Variants in MMRN1 observed in about 807,000 individuals in gnomAD.
The protein encoded by MMRN1 is multimerin 1, also known as multimerin-1.
In MMRN1, 94 loss-of-function variants were observed where a neutral mutation model predicts 100.7. That is an observed-to-expected ratio of 0.93 (90% CI 0.79 to 1.11). The LOEUF (loss-of-function observed/expected upper bound fraction) is 1.11, where lower values mean the gene tolerates loss of function less well. MMRN1 is among the 50% of genes least tolerant of loss of function. The pLI is 0.00. For missense variants in MMRN1, 1,606 were observed against 1,439.1 expected, an observed-to-expected ratio of 1.12 and a Z score of -1.88; for synonymous variants, 575 against 505.0, an observed-to-expected ratio of 1.14 and a Z score of -1.86.
chr4:89,895,349 T>C lies in MMRN1; in HGVS notation c.378T>C (p.Asn126=). ...TLPTNASIKF[N]PGAESVVLSN... is the part of the protein sequence containing the mutation. ...CAACCAACGCTAGCATCAAGTTCAA[T>C]CCTGGAGCAGAATCAGTGGTCCTTT... is the stretch of plus-strand genomic sequence containing the variant. The change falls in exon 1 of 8, where the codon AAT becomes AAC. Residue 126 remains asparagine (N), a synonymous_variant. Transcript: ENST00000264790. 6.2e-7 allele frequency: 1 copy of C among 1,613,900 alleles called. No individual in the cohort carries two copies. Among genetic ancestry groups the C allele is most frequent in the Non-Finnish European group, 8.5e-7 (1 of 1,179,930 alleles).
At chr4:89,881,189 G>A (rs905232092) in intron 1 of MMRN1, among the ~76,000 whole-genome samples, 1 of 152,120 alleles carries the variant, frequency 6.6e-6, no homozygotes, top group African/African-American at 2.4e-5. Context: ...TTAACTGCCA[G>A]TGGAGGCAAC....
chr4:89,891,737 A>G (rs1310274120), upstream of MMRN1, among the ~76,000 whole-genome samples: 2 of 151,968 alleles, frequency 1.3e-5, no homozygotes, highest in East Asian at 3.9e-4. Context: ...TTCTTCTATT[A>G]TTTTTTGACA....
chr4:89,896,098 G>C (rs1382046937), intron 1 of MMRN1, among the ~76,000 whole-genome samples: 1 of 152,168 alleles, frequency 6.6e-6, no homozygotes, highest in African/African-American at 2.4e-5. Context: ...CCATGATTTT[G>C]AGCAACTCAG....
intron 6 of MMRN1, among the ~76,000 whole-genome samples, chr4:89,949,352 G>T (rs2110656282): frequency 6.6e-6 from 1 of 152,260 alleles, no homozygotes; most frequent in Non-Finnish European, 1.5e-5. Context: ...CAACTCTACT[G>T]CACAATTGAT....
intron 3 of MMRN1, among the ~76,000 whole-genome samples, chr4:89,916,041 G>A (rs1018912724): frequency 6.6e-6 from 1 of 151,630 alleles, no homozygotes; most frequent in Non-Finnish European, 1.5e-5. Context: ...ATCAATCAAC[G>A]AGGCTCTTTA....
intron 1 of MMRN1, among the ~76,000 whole-genome samples, chr4:89,896,918 A>C (rs1721223147): frequency 6.6e-6 from 1 of 152,156 alleles, no homozygotes; most frequent in Non-Finnish European, 1.5e-5. Flanking sequence ...GCTTACTGTA[A>C]AACAAATAGT....
At position 89,911,885 on chromosome 4, in the gene MMRN1, G is replaced by A. The variant is rs112670182; in HGVS notation, c.744-59G>A. 1,698 of 1,170,922 alleles carry A rather than the reference G, an allele frequency of 1.5e-3. 13 individuals are homozygous for A. The African/African-American group carries it at 0.022, about 15-fold the overall frequency. The allele number at this position is 1,170,922 out of a possible 1,614,324, so 72.5% of individuals were successfully genotyped here. Reference sequence around the variant, plus strand: ...CCAAAAACTTTACATTTATTATTCCGGCTGATAATTTAATGTGAAACAAAT... The same window carrying A: ...CCAAAAACTTTACATTTATTATTCCAGCTGATAATTTAATGTGAAACAAAT... On this transcript the variant is annotated intron_variant, in intron 2 of 7. Coordinates refer to ENST00000264790, the MANE Select transcript of MMRN1 (RefSeq NM_007351.3).
At chr4:89,941,262 T>G (rs886434721) in intron 6 of MMRN1, among the ~76,000 whole-genome samples, 2 of 152,196 alleles carry the variant, frequency 1.3e-5, no homozygotes, top group Non-Finnish European at 2.9e-5. Context: ...TCAATAGAAG[T>G]GCTCACAGGA....
chr4:89,927,920 G>A lies in MMRN1; in HGVS notation c.1081G>A (p.Gly361Arg), dbSNP rs1405701981. ...AAGGAACACTTACTCCTCCCTAGAA[G>A]GAAAAGTCAGCGAAGATAAAAGCAG... ...DVRNTYSSLE[G>R]KVSEDKSREF... The change falls in exon 5 of 8, where the codon GGA (glycine) becomes AGA (arginine). Residue 361 changes from glycine (G) to arginine (R), a missense_variant. By Grantham distance (125) the Gly-to-Arg change is moderately radical (BLOSUM62 -2). Coordinates refer to ENST00000264790, the MANE Select transcript of MMRN1 (RefSeq NM_007351.3). 2 of 1,607,076 alleles carry A rather than the reference G, an allele frequency of 1.2e-6. No homozygotes were observed. Among genetic ancestry groups the A allele is most frequent in the Non-Finnish European group, 1.7e-6 (2 of 1,177,218 alleles).
chr4:89,939,019 A>C (rs896113815), intron 6 of MMRN1, among the ~76,000 whole-genome samples: 1 of 152,108 alleles, frequency 6.6e-6, no homozygotes, highest in African/African-American at 2.4e-5. Context: ...TCCATGGGCC[A>C]TAGAACAGAT....
chr4:89,934,671 A>G, intron 5 of MMRN1, 139 bp from the exon 6 acceptor site: 1 of 453,766 alleles, frequency 2.2e-6, no homozygotes, highest in Non-Finnish European at 3.7e-6. Context: ...AATTTTTAAA[A>G]TTCTATAAGT....
chr4:89,938,323 A>G (rs1722710584), intron 6 of MMRN1, among the ~76,000 whole-genome samples: 1 of 151,110 alleles, frequency 6.6e-6, no homozygotes, highest in Admixed American at 6.6e-5. Flanking sequence ...TCAATATAAG[A>G]TGTTCTTAAA....
At chr4:89,930,398 T>C (rs1249713923) in intron 5 of MMRN1, among the ~76,000 whole-genome samples, 1 of 152,160 alleles carries the variant, frequency 6.6e-6, no homozygotes, top group Admixed American at 6.6e-5. Context: ...CCAATTATGT[T>C]GATCAAGATT....
At chr4:89,883,868 T>C (rs765071381) in intron 1 of MMRN1, among the ~76,000 whole-genome samples, 4 of 152,128 alleles carry the variant, frequency 2.6e-5, no homozygotes, top group Non-Finnish European at 5.9e-5. Context: ...AGGTGTATGG[T>C]TTTAATGTTT....
chr4:89,907,157 G>T (rs1179333414), intron 1 of MMRN1, among the ~76,000 whole-genome samples: 4 of 151,352 alleles, frequency 2.6e-5, no homozygotes, highest in Non-Finnish European at 5.9e-5. Context: ...TCCCTTTATT[G>T]TGGTCCTCTC....
Position 89,909,915 on chromosome 4 carries a change from A to G in MMRN1, c.743+520A>G, listed in dbSNP as rs531816680. 2.0e-5 allele frequency among the ~76,000 whole-genome samples: 3 copies of G among 151,462 alleles called. No homozygotes were observed. In the Admixed American group the frequency reaches 2.0e-4, roughly 10 times the overall value. On this transcript the variant is annotated intron_variant, in intron 2 of 7. Transcript: ENST00000264790. Reference sequence around the variant, plus strand: ...TAATTAGCCATGTCATTTGATTATCATTTTTTAAAAAAGTCTATGCTGTTG... The same window carrying G: ...TAATTAGCCATGTCATTTGATTATCGTTTTTTAAAAAAGTCTATGCTGTTG...
In MMRN1 at chr4:89,930,806, A is replaced by G. The variant is rs138701589; in HGVS notation, c.1129+2838A>G. On this transcript the variant is annotated intron_variant, in intron 5 of 7. Transcript: ENST00000264790. ...ATTTTACTTACTCTATATAGCATAT[A>G]GAATGTATTTCATCAATATTTATTG... 4.1e-3 allele frequency among the ~76,000 whole-genome samples: 621 copies of G among 152,192 alleles called. 6 individuals are homozygous for G. The highest frequency in any genetic ancestry group is 0.014 in the African/African-American group (601 of 41,568).
chr4:89,887,915 ACTACATATGAAATTATAATGCT>A (rs1720972478), intron 1 of MMRN1, among the ~76,000 whole-genome samples: 1 of 151,966 alleles, frequency 6.6e-6, no homozygotes, highest in South Asian at 2.1e-4. Flanking sequence ...ATAATTTCAC[ACTACATATGAAATTATAATGCT>A]CTCTCTCTTC....
intron 3 of MMRN1, among the ~76,000 whole-genome samples, chr4:89,916,306 T>C (rs1235036794): frequency 6.6e-6 from 1 of 151,362 alleles, no homozygotes; most frequent in South Asian, 2.1e-4. Flanking sequence ...AGGATCTTTG[T>C]GTGATGCTTA....
Sources: allele counts gnomAD v4.1 joint callset (sites outside exome capture counted in the v4.1 genomes callset), GRCh38; gene constraint gnomAD v4.1.1; transcripts MANE v1.5; gene names NCBI Gene and HGNC (gene_info 2026-07-23, HGNC 2026-07-21).